GMDS: variants seen among roughly 807,000 people sequenced by gnomAD.
The protein encoded by GMDS is GDP-mannose 4,6 dehydratase.
Under a neutral mutation model 49.9 loss-of-function variants are expected in GMDS, and 20 were observed. That is an observed-to-expected ratio of 0.40 (90% CI 0.28 to 0.58). The LOEUF is 0.58. Among genes scored for constraint, GMDS ranks in the 20% least tolerant of loss-of-function variants. GMDS has a pLI of 0.42. For missense variants in GMDS, 362 were observed against 481.4 expected, an observed-to-expected ratio of 0.75 and a Z score of 2.32; for synonymous variants, 177 against 178.6, an observed-to-expected ratio of 0.99 and a Z score of 0.07.
intron 4 of GMDS, among the ~76,000 whole-genome samples, chr6:2,092,752 A>G (rs888529733): frequency 6.6e-6 from 1 of 152,216 alleles, no homozygotes; most frequent in Non-Finnish European, 1.5e-5. Flanking sequence ...CTTAAACAGA[A>G]CTAGAAAGAC....
At chr6:2,236,422 T>A (rs938253756) in intron 1 of GMDS, among the ~76,000 whole-genome samples, 1 of 152,138 alleles carries the variant, frequency 6.6e-6, no homozygotes. Flanking sequence ...ACAAACAGGG[T>A]TTCTGCTGTC....
Position 1,706,007 on chromosome 6 carries a change from G to C in GMDS, c.987+20409C>G, listed in dbSNP as rs9405147. 8.5e-5 allele frequency among the ~76,000 whole-genome samples: 13 copies of C among 152,264 alleles called. No individual in the cohort carries two copies. The South Asian group carries it at 1.9e-3, about 22-fold the overall frequency. On this transcript the variant is annotated intron_variant, in intron 9 of 10. Coordinates refer to ENST00000380815, the MANE Select transcript of GMDS (RefSeq NM_001500.4). The stretch of plus-strand genomic sequence containing the variant: ...TAGGGTGAGTTGAATTCGTCATTGT[G>C]GAATAGCAATTAACCGGTTGTTGAT...
In GMDS at chr6:1,725,398, T is replaced by C. The variant is rs116520395; in HGVS notation, c.987+1018A>G. 3.7e-3 allele frequency among the ~76,000 whole-genome samples: 557 copies of C among 152,300 alleles called. 5 individuals carry two copies. Among genetic ancestry groups the C allele is most frequent in the African/African-American group, 0.012 (509 of 41,568 alleles). Reference sequence around the variant, plus strand: ...CCATCCATCTAGCAATCAGTCAGTATTTATTAAGTACCTACCTTGTTATAG... The same window carrying C: ...CCATCCATCTAGCAATCAGTCAGTACTTATTAAGTACCTACCTTGTTATAG... On this transcript the variant is annotated intron_variant, in intron 9 of 10. Coordinates refer to ENST00000380815, the MANE Select transcript of GMDS (RefSeq NM_001500.4).
chr6:2,064,466 A>G (rs1771406442), intron 4 of GMDS, among the ~76,000 whole-genome samples: 1 of 152,194 alleles, frequency 6.6e-6, no homozygotes, highest in South Asian at 2.1e-4. Context: ...TTCTTGACTG[A>G]ATACTTTCCC....
chr6:2,186,489 A>G (rs974308275), intron 1 of GMDS, among the ~76,000 whole-genome samples: 1 of 152,258 alleles, frequency 6.6e-6, no homozygotes, highest in African/African-American at 2.4e-5. Flanking sequence ...AGAGGAATCT[A>G]TAACAAGCCC....
At chr6:1,897,178 A>G (rs1760244029) in intron 7 of GMDS, among the ~76,000 whole-genome samples, 1 of 152,164 alleles carries the variant, frequency 6.6e-6, no homozygotes, top group Admixed American at 6.5e-5. Context: ...CTGAAGCCTC[A>G]TCTTGGCTGC....
At chr6:2,005,509 C>T (rs1036967684) in intron 4 of GMDS, among the ~76,000 whole-genome samples, 3 of 152,164 alleles carry the variant, frequency 2.0e-5, no homozygotes, top group Admixed American at 6.5e-5. Context: ...TAACAGTTTT[C>T]GTTTCTGCTG....
intron 4 of GMDS, among the ~76,000 whole-genome samples, chr6:2,068,133 T>C (rs1402636994): frequency 2.0e-5 from 3 of 150,668 alleles, no homozygotes; most frequent in Non-Finnish European, 4.4e-5. Context: ...ATAAATGTAA[T>C]CCAGCATATA....
intron 9 of GMDS, among the ~76,000 whole-genome samples, chr6:1,644,013 C>T (rs1179027994): frequency 6.6e-6 from 1 of 152,126 alleles, no homozygotes; most frequent in Non-Finnish European, 1.5e-5. Flanking sequence ...CCCCGTTGTC[C>T]CCAGACACCT....
chr6:1,936,226 A>G (rs1762522888), intron 6 of GMDS, among the ~76,000 whole-genome samples: 1 of 152,230 alleles, frequency 6.6e-6, no homozygotes, highest in Non-Finnish European at 1.5e-5. Context: ...AGAATAAAAT[A>G]TCATGCTACA....
chr6:2,154,157 A>T (rs1776986794), intron 1 of GMDS, among the ~76,000 whole-genome samples: 1 of 152,158 alleles, frequency 6.6e-6, no homozygotes, highest in Admixed American at 6.5e-5. Flanking sequence ...TTTATTGAAA[A>T]TTTAAATTAA....
At chr6:1,645,072 A>T (rs1003817497) in intron 9 of GMDS, among the ~76,000 whole-genome samples, 12 of 151,672 alleles carry the variant, frequency 7.9e-5, no homozygotes, top group Admixed American at 5.3e-4. Context: ...AGTAGCTGGG[A>T]TTACAGGCAT....
intron 4 of GMDS, among the ~76,000 whole-genome samples, chr6:2,071,364 TC>T (rs1416269198): frequency 1.3e-5 from 2 of 152,154 alleles, no homozygotes; most frequent in African/African-American, 2.4e-5. Context: ...GTTCCTTTTA[TC>T]CCATTAGCAT....
At chr6:1,828,297 C>G (rs1272650183) in intron 7 of GMDS, among the ~76,000 whole-genome samples, 1 of 152,018 alleles carries the variant, frequency 6.6e-6, no homozygotes, top group Non-Finnish European at 1.5e-5. Context: ...CTAAGGAACT[C>G]AAGGGACACC....
intron 1 of GMDS, among the ~76,000 whole-genome samples, chr6:2,202,307 A>G (rs981154721): frequency 6.7e-6 from 1 of 148,996 alleles, no homozygotes; most frequent in African/African-American, 2.5e-5. Flanking sequence ...GTTAGCAGAG[A>G]GGCGAAGGAT....
At chr6:1,677,735 G>A (rs1439606264) in intron 9 of GMDS, among the ~76,000 whole-genome samples, 4 of 145,188 alleles carry the variant, frequency 2.8e-5, no homozygotes, top group African/African-American at 7.7e-5. Context: ...TCATAGGTGG[G>A]AATTGAACAA....
chr6:1,882,972 G>C (rs1010672580), intron 7 of GMDS, among the ~76,000 whole-genome samples: 5 of 152,288 alleles, frequency 3.3e-5, no homozygotes, highest in Admixed American at 3.3e-4. Flanking sequence ...GTTCCTCATA[G>C]GAACTCATAT....
intron 4 of GMDS, among the ~76,000 whole-genome samples, chr6:2,108,257 C>A (rs1054670989): frequency 1.9e-4 from 29 of 152,254 alleles, no homozygotes; most frequent in African/African-American, 5.8e-4. Context: ...TGAATAGGAA[C>A]AAGCTGCTCA....
chr6:1,773,978 C>A (rs1768686986), intron 7 of GMDS, among the ~76,000 whole-genome samples: 1 of 152,108 alleles, frequency 6.6e-6, no homozygotes, highest in African/African-American at 2.4e-5. Flanking sequence ...TGAGTAGTAG[C>A]TTTAATTTAA....
Sources: allele counts gnomAD v4.1 joint callset (sites outside exome capture counted in the v4.1 genomes callset), GRCh38; gene constraint gnomAD v4.1.1; transcripts MANE v1.5; gene names NCBI Gene and HGNC (gene_info 2026-07-23, HGNC 2026-07-21).